FIRRM: variants seen among roughly 807,000 people sequenced by gnomAD.
FIRRM encodes the protein FIGNL1 interacting regulator of recombination and mitosis, also known as FIGNL1-interacting regulator of recombination and mitosis.
the FIRRM span, among the ~76,000 whole-genome samples, chr1:169,804,782 A>T: frequency 0.065 from 9,859 of 152,214 alleles, 425 homozygotes; most frequent in Non-Finnish European, 0.099. Flanking sequence ...TCCCGGACTC[A>T]AGCGATTCTC....
the FIRRM span, among the ~76,000 whole-genome samples, chr1:169,845,862 G>T: frequency 1.3e-5 from 2 of 152,130 alleles, no homozygotes; most frequent in African/African-American, 4.8e-5. Flanking sequence ...TTGATATTTT[G>T]ACCTCCTCCA....
At chr1:169,853,700 C>CTCACA in the FIRRM span, 6 of 1,611,622 alleles carry the variant, frequency 3.7e-6, no homozygotes, top group Non-Finnish European at 5.1e-6. Flanking sequence ...TAAAGTTTAA[C>CTCACA]TCACATCTAT....
the FIRRM span, chr1:169,795,877 T>C: frequency 2.1e-5 from 21 of 985,430 alleles, no homozygotes; most frequent in Non-Finnish European, 2.0e-5. Flanking sequence ...GGCTTTCAAC[T>C]GTTGGATTTG....
the FIRRM span, chr1:169,803,355 G>A: frequency 1.9e-6 from 3 of 1,539,018 alleles, no homozygotes; most frequent in Admixed American, 5.3e-5. Context: ...TAATCAATGT[G>A]CATAGGGGCT....
chr1:169,837,954 G>C, the FIRRM span, among the ~76,000 whole-genome samples: 1 of 151,906 alleles, frequency 6.6e-6, no homozygotes, highest in Non-Finnish European at 1.5e-5. Flanking sequence ...ATTTTTTGGC[G>C]GGGATGAGGT....
At chr1:169,817,841 T>TAAAGAGTAG in the FIRRM span, among the ~76,000 whole-genome samples, 1 of 152,368 alleles carries the variant, frequency 6.6e-6, no homozygotes, top group East Asian at 1.9e-4. Context: ...CAATTTTTGT[T>TAAAGAGTAG]AAAGAGTAGA....
At chr1:169,832,456 C>G in the FIRRM span, 1 of 1,613,778 alleles carries the variant, frequency 6.2e-7, no homozygotes, top group African/African-American at 1.3e-5. Flanking sequence ...ACTCATCAAC[C>G]TATCAATACT....
chr1:169,803,283 A>C, the FIRRM span: 1 of 1,613,866 alleles, frequency 6.2e-7, no homozygotes, highest in South Asian at 1.1e-5. Context: ...CCTTCATATA[A>C]TTAAAAGCAC....
At chr1:169,840,125 G>A in the FIRRM span, among the ~76,000 whole-genome samples, 1 of 152,052 alleles carries the variant, frequency 6.6e-6, no homozygotes, top group Non-Finnish European at 1.5e-5. Context: ...GGTTACTGTA[G>A]TCTTATAGTA....
At chr1:169,852,060 A>T in the FIRRM span, 1 of 1,361,918 alleles carries the variant, frequency 7.3e-7, no homozygotes, top group South Asian at 1.2e-5. Context: ...ATAGATCTAG[A>T]CATGTAAAAT....
chr1:169,829,296 T>C, the FIRRM span: 1 of 1,602,302 alleles, frequency 6.2e-7, no homozygotes, highest in Non-Finnish European at 8.5e-7. Flanking sequence ...TCTACAGTTT[T>C]GAGCAGTGTT....
chr1:169,850,186 T>C, the FIRRM span: 1 of 881,192 alleles, frequency 1.1e-6, no homozygotes, highest in Non-Finnish European at 1.8e-6. Context: ...TTGGTTAAGG[T>C]AGCTCATAAA....
chr1:169,853,730 C>T, the FIRRM span: 2 of 1,613,702 alleles, frequency 1.2e-6, no homozygotes, highest in Non-Finnish European at 8.5e-7. Flanking sequence ...TTATTATCTT[C>T]CCAGTTCAGC....
At chr1:169,792,719 T>C in the FIRRM span, 10 of 1,613,784 alleles carry the variant, frequency 6.2e-6, no homozygotes, top group Non-Finnish European at 8.5e-6. Context: ...ACCAAAATAA[T>C]GTGCTTTGCT....
chr1:169,805,114 A>G, the FIRRM span, among the ~76,000 whole-genome samples: 1 of 152,286 alleles, frequency 6.6e-6, no homozygotes, highest in Non-Finnish European at 1.5e-5. Flanking sequence ...TTTGGTATAA[A>G]GAGAGTAAGT....
At chr1:169,810,817 T>C in the FIRRM span, among the ~76,000 whole-genome samples, 4 of 148,942 alleles carry the variant, frequency 2.7e-5, 1 homozygote, top group African/African-American at 7.4e-5. Flanking sequence ...TTTTAACATA[T>C]AGTTCTTTAG....
At chr1:169,815,902 G>T in the FIRRM span, among the ~76,000 whole-genome samples, 1 of 152,156 alleles carries the variant, frequency 6.6e-6, no homozygotes, top group Admixed American at 6.5e-5. Flanking sequence ...TAACTTCTTC[G>T]GGCTGAATAG....
chr1:169,795,627 T>C, the FIRRM span: 18 of 995,366 alleles, frequency 1.8e-5, no homozygotes, highest in Non-Finnish European at 2.2e-5. Flanking sequence ...CGAGATACTC[T>C]GAGCTTTTGT....
chr1:169,793,807 T>G, the FIRRM span: 3 of 992,090 alleles, frequency 3.0e-6, no homozygotes, highest in Non-Finnish European at 4.3e-6. Flanking sequence ...TTGGGCCCAA[T>G]TTCTCTTTAG....
Sources: allele counts gnomAD v4.1 joint callset (sites outside exome capture counted in the v4.1 genomes callset), GRCh38; gene constraint gnomAD v4.1.1; transcripts MANE v1.5; gene names NCBI Gene and HGNC (gene_info 2026-07-23, HGNC 2026-07-21).